Variants in MLYCD observed in about 807,000 individuals in gnomAD.
MLYCD encodes malonyl-CoA decarboxylase, mitochondrial.
MLYCD carries 27 observed loss-of-function variants against 35.8 expected under a neutral mutation model. That is an observed-to-expected ratio of 0.75 (90% confidence interval 0.56 to 1.04). The LOEUF is 1.04. Ranked by LOEUF, MLYCD falls within the 50% of genes least tolerant of loss-of-function variation. The pLI is 0.00. For synonymous variants in MLYCD, 403 were observed against 302.4 expected (o/e 1.33, Z -3.45); for missense variants, 917 against 665.1 (o/e 1.38, Z -4.17).
chr16:83,904,537 C>T (rs1906909349), intron 1 of MLYCD, among the ~76,000 whole-genome samples: 1 of 152,206 alleles, frequency 6.6e-6, no homozygotes, highest in South Asian at 2.1e-4. Context: ...AATCACGATT[C>T]ATTCCATTTT....
chr16:83,906,940 T>G, intron 1 of MLYCD, 47 bp from the exon 2 acceptor site: 290 of 1,485,938 alleles, frequency 2.0e-4, no homozygotes, highest in Non-Finnish European at 2.4e-4. Flanking sequence ...GAGATGGGCT[T>G]GATCTGTCGC....
intron 1 of MLYCD, 40 bp downstream of exon 1, chr16:83,899,712 C>T (rs1906713445): frequency 1.3e-6 from 2 of 1,482,736 alleles, no homozygotes; most frequent in South Asian, 2.6e-5. Context: ...CGCGGACTGG[C>T]CGCCCTCCTC....
At position 83,926,887 on chromosome 16, in the gene MLYCD, GAATGTTA is replaced by G. The variant is rs1473276781; in HGVS notation, c.*11401_*11407del. ...CTCCTCTGCTCTGCGCTTGGGCGCTGAATGTTAAAATTCCTAACAGGTGAATCGCTTG... is the reference window on the plus strand; with the variant it reads ...CTCCTCTGCTCTGCGCTTGGGCGCTGAAATTCCTAACAGGTGAATCGCTTG... On this transcript the variant is annotated 3_prime_UTR_variant, in exon 5 of 5. Transcript: ENST00000262430. 2 of 152,236 alleles carry G rather than the reference GAATGTTA, an allele frequency of 1.3e-5. No individual in the cohort carries two copies. The highest frequency in any genetic ancestry group is 2.9e-5 in the Non-Finnish European group (2 of 68,054). 9.4% of individuals were successfully genotyped at this position (152,236 alleles called of 1,614,324 possible).
chr16:83,924,051 G>C lies in MLYCD; in HGVS notation c.*8562G>C, dbSNP rs1391710921. The C allele has an allele frequency of 1.3e-5, 2 of 152,224 alleles. No individual in the cohort carries two copies. Among genetic ancestry groups the C allele is most frequent in the Non-Finnish European group, 2.9e-5 (2 of 68,090 alleles). 9.4% of individuals were successfully genotyped at this position (152,224 alleles called of 1,614,324 possible). The stretch of plus-strand genomic sequence containing the variant: ...GCCGTATCGGTCCGAGCCCTCGGCT[G>C]CCAGGGAGAGAAGCTGAGCTCCCAC... On this transcript the variant is annotated 3_prime_UTR_variant, in exon 5 of 5. Coordinates refer to ENST00000262430, the MANE Select transcript of MLYCD (RefSeq NM_012213.3).
At position 83,899,505 on chromosome 16, in the gene MLYCD, G is replaced by A. The variant is rs1272753686; in HGVS notation, c.361G>A (p.Val121Met). 3.2e-6 allele frequency: 5 copies of A among 1,579,410 alleles called. No individual in the cohort carries two copies. The highest frequency in any genetic ancestry group is 4.3e-6 in the Non-Finnish European group (5 of 1,172,390). Residue 121 changes from valine to methionine, a missense_variant, in exon 1 of 5, where the codon GTG becomes ATG. Transcript: ENST00000262430. ...GCGCCAGCAGCAGCGGGAGGCGGCG[G>A]TGCTGCTGCAGGCCGAGGACCGGCT... is the stretch of plus-strand genomic sequence containing the variant. ...HLRQQQREAA[V>M]LLQAEDRLRY...
intron 1 of MLYCD, among the ~76,000 whole-genome samples, chr16:83,904,533 G>A (rs564441779): frequency 1.3e-5 from 2 of 152,106 alleles, no homozygotes; most frequent in Admixed American, 1.3e-4. Flanking sequence ...TCCTAATCAC[G>A]ATTCATTCCA....
At position 83,918,303 on chromosome 16, in the gene MLYCD, C is replaced by A. The variant is rs886981982; in HGVS notation, c.*2814C>A. ...CAGAACACACACAGTGCACAGAACA[C>A]AGTGCACAGGAGAACACTCACAGTG... On this transcript the variant is annotated 3_prime_UTR_variant, in exon 5 of 5. Coordinates refer to ENST00000262430, the MANE Select transcript of MLYCD (RefSeq NM_012213.3). 1.4e-4 allele frequency: 21 copies of A among 151,956 alleles called. No individual in the cohort carries two copies. The highest frequency in any genetic ancestry group is 4.8e-4 in the African/African-American group (20 of 41,296). The allele number at this position is 151,956 out of a possible 1,614,324, so 9.4% of individuals were successfully genotyped here. A position where few individuals can be genotyped will look rare whatever the true frequency, so the allele number is the denominator to read the frequency against.
At chr16:83,902,918 C>A (rs9941322) in intron 1 of MLYCD, among the ~76,000 whole-genome samples, 7 of 151,838 alleles carry the variant, frequency 4.6e-5, no homozygotes, top group Admixed American at 1.3e-4. Context: ...GTATGTGTGT[C>A]CCTGTGGTTG....
rs1039004103 is a variant in MLYCD, at chr16:83,915,098, C to G, written c.1091C>G (p.Ser364Trp). The G allele has an allele frequency of 6.2e-7, 1 of 1,614,232 alleles. No individual in the cohort carries two copies. Among genetic ancestry groups the G allele is most frequent in the Non-Finnish European group, 8.5e-7 (1 of 1,180,054 alleles). Reference protein sequence around the residue: ...LFTDSECKEISEITGGPINET... With the variant: ...LFTDSECKEIWEITGGPINET... ...ACAGATTCGGAATGTAAGGAAATCT[C>G]GGAGATCACAGGTGGCCCCATTAAC... Residue 364 changes from serine (S) to tryptophan (W), a missense_variant, in exon 5 of 5, where the codon TCG (serine) becomes TGG (tryptophan). Transcript: ENST00000262430.
At chr16:83,908,376 T>A in intron 3 of MLYCD, 94 bp downstream of exon 3, 59 of 263,138 alleles carry the variant, frequency 2.2e-4, no homozygotes, top group Non-Finnish European at 3.4e-4. Context: ...TTTATCCTCC[T>A]TTTTTTTTTT....
intron 4 of MLYCD, 33 bp from the exon 5 acceptor site, chr16:83,914,923 C>A (rs368667208): frequency 6.2e-7 from 1 of 1,614,070 alleles, no homozygotes; most frequent in Non-Finnish European, 8.5e-7. Context: ...GTGTTTTCTC[C>A]GCCTTCCTTT....
rs1209237728 is a variant in MLYCD, at chr16:83,920,748, G to C, written c.*5259G>C. 1 of 152,232 alleles carries C rather than the reference G, an allele frequency of 6.6e-6. No homozygotes were observed. The highest frequency in any genetic ancestry group is 1.5e-5 in the Non-Finnish European group (1 of 68,046). 9.4% of individuals were successfully genotyped at this position (152,232 alleles called of 1,614,324 possible). On this transcript the variant is annotated 3_prime_UTR_variant, in exon 5 of 5. Coordinates refer to ENST00000262430, the MANE Select transcript of MLYCD (RefSeq NM_012213.3). ...TTTCAAACATATGTAAAAGCAGGGA[G>C]AAATTGCATAACGAACCTACAGACC... is the stretch of plus-strand genomic sequence containing the variant.
intron 3 of MLYCD, among the ~76,000 whole-genome samples, chr16:83,910,388 C>CT (rs140967803): frequency 0.012 from 1,807 of 152,046 alleles, 46 homozygotes; most frequent in African/African-American, 0.042. Flanking sequence ...TTGCAGACTT[C>CT]TTAAAAAACA....
intron 1 of MLYCD, among the ~76,000 whole-genome samples, chr16:83,904,748 T>C (rs1243323579): frequency 2.0e-5 from 3 of 152,236 alleles, no homozygotes; most frequent in Non-Finnish European, 4.4e-5. Context: ...AACAGCTCCG[T>C]TGAGTTCTGT....
chr16:83,912,032 T>G, intron 3 of MLYCD, 186 bp from the exon 4 acceptor site: 3 of 780,618 alleles, frequency 3.8e-6, no homozygotes, highest in South Asian at 3.2e-5. Flanking sequence ...TGGAGTCGCC[T>G]CCTCCAGAGA....
chr16:83,904,878 C>T lies in MLYCD; in HGVS notation c.529-2109C>T, dbSNP rs1906920441. On this transcript the variant is annotated intron_variant, in intron 1 of 4. Transcript: ENST00000262430. ...CTAAATTGAGTCCACATCTGACTGC[C>T]CATGACTTCCACCAGTCAGTCCTAG... Among the ~76,000 whole-genome samples, 4 of 152,168 alleles carry T rather than the reference C, an allele frequency of 2.6e-5. No individual in the cohort carries two copies. The South Asian group carries it at 8.3e-4, about 32-fold the overall frequency.
intron 4 of MLYCD, chr16:83,912,661 G>A (rs1907222327): frequency 4.7e-6 from 2 of 427,954 alleles, no homozygotes. Flanking sequence ...TTCTGACCTG[G>A]TCAGGACACT....
At chr16:83,914,636 G>C in intron 4 of MLYCD, 1 of 398,316 alleles carries the variant, frequency 2.5e-6, no homozygotes, top group Non-Finnish European at 4.7e-6. Context: ...ATTTCCTGCT[G>C]GGTGTGGCGG....
chr16:83,911,993 T>C (rs1907195415), intron 3 of MLYCD: 10 of 589,680 alleles, frequency 1.7e-5, no homozygotes, highest in Admixed American at 3.0e-5. Context: ...CAAGAAACGA[T>C]GCAGTGCTGA....
Sources: allele counts gnomAD v4.1 joint callset (sites outside exome capture counted in the v4.1 genomes callset), GRCh38; gene constraint gnomAD v4.1.1; transcripts MANE v1.5; gene names NCBI Gene and HGNC (gene_info 2026-07-23, HGNC 2026-07-21).